STYXL2: variants seen among roughly 807,000 people sequenced by gnomAD.
STYXL2 encodes the protein serine/threonine/tyrosine-interacting-like protein 2.
Under a neutral mutation model 52.4 loss-of-function variants are expected in STYXL2, and 44 were observed. That is an observed-to-expected ratio of 0.84 (90% CI 0.66 to 1.08). STYXL2 has a LOEUF of 1.08. Ranked by LOEUF, STYXL2 falls within the 50% of genes least tolerant of loss-of-function variation. The pLI, the probability that STYXL2 is intolerant of heterozygous loss-of-function variation, is 0.00. For synonymous variants in STYXL2, 604 were observed against 586.9 expected, an observed-to-expected ratio of 1.03 and a Z score of -0.42; for missense variants, 1,604 against 1,471.7, an observed-to-expected ratio of 1.09 and a Z score of -1.47.
At chr1:167,103,774 T>C (rs1213506757) in intron 2 of STYXL2, among the ~76,000 whole-genome samples, 2 of 152,146 alleles carry the variant, frequency 1.3e-5, no homozygotes, top group East Asian at 3.9e-4. Context: ...GACTTCTCCC[T>C]TACCTATAGT....
chr1:167,120,040 A>G (rs1161443933), intron 5 of STYXL2, among the ~76,000 whole-genome samples: 1 of 152,246 alleles, frequency 6.6e-6, no homozygotes, highest in East Asian at 1.9e-4. Context: ...GAGGTTCCCC[A>G]TCAAACAGGA....
At chr1:167,105,449 G>A (rs1667490226) in intron 2 of STYXL2, among the ~76,000 whole-genome samples, 1 of 152,076 alleles carries the variant, frequency 6.6e-6, no homozygotes, top group East Asian at 1.9e-4. Flanking sequence ...TTCTTGAACA[G>A]CCAGCCCTCA....
chr1:167,120,138 C>G (rs1041007490), intron 5 of STYXL2, among the ~76,000 whole-genome samples: 5 of 152,158 alleles, frequency 3.3e-5, no homozygotes, highest in African/African-American at 7.2e-5. Context: ...GGAGAACAGA[C>G]CGAGTTGGGA....
At position 167,117,328 on chromosome 1, in the gene STYXL2, A is replaced by G. The variant is rs778748208; in HGVS notation, c.206A>G (p.Glu69Gly). 6.2e-7 allele frequency: 1 copy of G among 1,604,268 alleles called. No individual in the cohort carries two copies. Among genetic ancestry groups the G allele is most frequent in the Admixed American group, 1.7e-5 (1 of 58,788 alleles). Residue 69 changes from glutamate to glycine, a missense_variant and splice_region_variant, in exon 4 of 6, where the codon GAA becomes GGA. By Grantham distance (98) the Glu-to-Gly change is moderately conservative (BLOSUM62 -2). Transcript: ENST00000361200. ...TGAGAATGCTGCCTGTCTCCTCTAG[A>G]ACTCAAGCCACCGGGGGTCAGAGCA... is the stretch of plus-strand genomic sequence containing the variant. ...AIAAKQIINE[E>G]LKPPGVRADA...
intron 2 of STYXL2, among the ~76,000 whole-genome samples, chr1:167,097,580 C>T (rs184624788): frequency 4.6e-4 from 69 of 151,138 alleles, no homozygotes; most frequent in Non-Finnish European, 9.3e-4. Context: ...AGCTAACAAG[C>T]TCATGAAGGG....
Position 167,128,047 on chromosome 1 carries a change from G to C in STYXL2, c.2916G>C (p.Glu972Asp). Residue 972 changes from glutamate (E) to aspartate (D), a missense_variant, in exon 6 of 6, where the codon GAG (glutamate) becomes GAC (aspartate). Transcript: ENST00000361200. Reference protein sequence around the residue: ...YTRSSLLRETESKSSSYKFSK... With the variant: ...YTRSSLLRETDSKSSSYKFSK... Reference sequence around the variant, plus strand: ...GATCGTCCCTGCTCAGGGAGACAGAGTCTAAATCCTCCAGTTACAAGTTTT... The same window carrying C: ...GATCGTCCCTGCTCAGGGAGACAGACTCTAAATCCTCCAGTTACAAGTTTT... 3 of 1,614,222 alleles carry C rather than the reference G, an allele frequency of 1.9e-6. No individual in the cohort carries two copies. In the South Asian group the frequency reaches 3.3e-5, roughly 18 times the overall value.
At chr1:167,119,089 C>G (rs1667791471) in intron 4 of STYXL2, among the ~76,000 whole-genome samples, 160 bp from the exon 5 acceptor site, 1 of 152,202 alleles carries the variant, frequency 6.6e-6, no homozygotes, top group African/African-American at 2.4e-5. Flanking sequence ...TCAACTCTTT[C>G]TATAATGGTA....
intron 2 of STYXL2, among the ~76,000 whole-genome samples, chr1:167,110,504 C>T (rs1667595494): frequency 6.6e-6 from 1 of 152,066 alleles, no homozygotes; most frequent in African/African-American, 2.4e-5. Context: ...AAACAAACTC[C>T]AGAAAAATAG....
Position 167,128,188 on chromosome 1 carries a change from C to G in STYXL2, c.3057C>G (p.His1019Gln). 1 of 1,614,244 alleles carries G rather than the reference C, an allele frequency of 6.2e-7. No individual in the cohort carries two copies. Residue 1019 changes from histidine to glutamine, a missense_variant, in exon 6 of 6, where the codon CAC becomes CAG. Coordinates refer to ENST00000361200, the MANE Select transcript of STYXL2 (RefSeq NM_001080426.3). ...SSSTREGREM[H>Q]KFSRSTYNET... Reference sequence around the variant, plus strand: ...CCACCAGGGAGGGCAGAGAGATGCACAAGTTCTCCAGGTCCACGTACAACG... The same window carrying G: ...CCACCAGGGAGGGCAGAGAGATGCAGAAGTTCTCCAGGTCCACGTACAACG...
chr1:167,108,278 A>C lies in STYXL2; in HGVS notation c.111-5432A>C, dbSNP rs146716330. On this transcript the variant is annotated intron_variant, in intron 2 of 5. Coordinates refer to ENST00000361200, the MANE Select transcript of STYXL2 (RefSeq NM_001080426.3). ...CTCCATCTGCTAGAGACACAGGTAAATAAGACCACCTAATCCACCTAATCT... is the reference window on the plus strand; with the variant it reads ...CTCCATCTGCTAGAGACACAGGTAACTAAGACCACCTAATCCACCTAATCT... Among the ~76,000 whole-genome samples, 424 of 152,310 alleles carry C rather than the reference A, an allele frequency of 2.8e-3. 1 individual carries two copies. The highest frequency in any genetic ancestry group is 3.4e-3 in the Middle Eastern group (1 of 294).
intron 2 of STYXL2, among the ~76,000 whole-genome samples, chr1:167,109,813 A>G (rs1284271754): frequency 6.6e-6 from 1 of 152,224 alleles, no homozygotes; most frequent in Non-Finnish European, 1.5e-5. Flanking sequence ...GCTCTAAGAA[A>G]GGAGAAAACA....
chr1:167,101,822 A>G (rs1667409426), intron 2 of STYXL2, among the ~76,000 whole-genome samples: 1 of 149,638 alleles, frequency 6.7e-6, no homozygotes, highest in African/African-American at 2.5e-5. Context: ...AAAAAAGCCT[A>G]TGTCTATGCA....
chr1:167,103,912 G>C (rs111679734), intron 2 of STYXL2, among the ~76,000 whole-genome samples: 26,051 of 152,124 alleles, frequency 0.17, 2,475 homozygotes, highest in Middle Eastern at 0.23. Flanking sequence ...ACAAGGTCAG[G>C]AGATCGAGAC....
rs1427730059 is a variant in STYXL2, at chr1:167,126,186, A to G, written c.1055A>G (p.Glu352Gly). The G allele has an allele frequency of 6.6e-7, 1 of 1,523,272 alleles. No homozygotes were observed. Among genetic ancestry groups the G allele is most frequent in the Admixed American group, 2.2e-5 (1 of 44,626 alleles). 94.4% of individuals were successfully genotyped at this position (1,523,272 alleles called of 1,614,324 possible). Residue 352 changes from glutamate (E) to glycine (G), a missense_variant, in exon 6 of 6, where the codon GAG becomes GGG. By Grantham distance (98) the Glu-to-Gly change is moderately conservative. Transcript: ENST00000361200. ...GAGGAGGAGGAGGAGAAACTGTACG[A>G]GCAGTGGAAGAAGGGGCAGGGCCTC... ...IDEEEEEKLY[E>G]QWKKGQGLLS...
intron 2 of STYXL2, among the ~76,000 whole-genome samples, chr1:167,107,109 G>A (rs1422267895): frequency 1.3e-5 from 2 of 152,166 alleles, no homozygotes; most frequent in African/African-American, 2.4e-5. Flanking sequence ...CACATGGTTG[G>A]CTGTTGGCTG....
intron 5 of STYXL2, 109 bp from the exon 6 acceptor site, chr1:167,125,678 C>A (rs1214783423): frequency 7.0e-7 from 1 of 1,425,568 alleles, no homozygotes; most frequent in Non-Finnish European, 9.1e-7. Flanking sequence ...AAAGTAAACA[C>A]CTTAAGTGCA....
Position 167,126,804 on chromosome 1 carries a change from A to G in STYXL2, c.1673A>G (p.Lys558Arg), listed in dbSNP as rs774349190. The change falls in exon 6 of 6, where the codon AAG becomes AGG. Residue 558 changes from lysine (K) to arginine (R), a missense_variant. Transcript: ENST00000361200. Reference protein sequence around the residue: ...KIKRIQFGFHKKDLGAGDSSG... With the variant: ...KIKRIQFGFHRKDLGAGDSSG... ...AAGAGAATCCAATTTGGATTTCACA[A>G]GAAAGACTTGGGAGCGGGAGACAGC... The G allele has an allele frequency of 6.2e-7, 1 of 1,614,226 alleles. No homozygotes were observed. Among genetic ancestry groups the G allele is most frequent in the Non-Finnish European group, 8.5e-7 (1 of 1,180,034 alleles).
rs1667960695 is a variant in STYXL2 at position 167,126,212 on chromosome 1, C to T, written c.1081C>T (p.Leu361Phe). 7.2e-6 allele frequency: 11 copies of T among 1,537,340 alleles called. No individual in the cohort carries two copies. Among genetic ancestry groups the T allele is most frequent in the Non-Finnish European group, 7.8e-6 (9 of 1,147,306 alleles). ...YEQWKKGQGL[L>F]SDKVPQDGGG... Reference sequence around the variant, plus strand: ...GCAGTGGAAGAAGGGGCAGGGCCTCCTCTCAGACAAGGTCCCCCAGGATGG... The same window carrying T: ...GCAGTGGAAGAAGGGGCAGGGCCTCTTCTCAGACAAGGTCCCCCAGGATGG... The change falls in exon 6 of 6, where the codon CTC (leucine) becomes TTC (phenylalanine). Residue 361 changes from leucine to phenylalanine, a missense_variant. Leu to Phe is a conservative substitution (Grantham distance 22, BLOSUM62 0). Coordinates refer to ENST00000361200, the MANE Select transcript of STYXL2 (RefSeq NM_001080426.3).
Position 167,126,878 on chromosome 1 carries a change from G to A in STYXL2, c.1747G>A (p.Asp583Asn), listed in dbSNP as rs779159793. 8.1e-6 allele frequency: 13 copies of A among 1,613,024 alleles called. No homozygotes were observed. The highest frequency in any genetic ancestry group is 1.3e-5 in the African/African-American group (1 of 74,908). ...GGCAGTAGGGGAGAAGAACCCCTCCGACGTCAGCCTGACAGCCTACCAGGC... is the reference window on the plus strand; with the variant it reads ...GGCAGTAGGGGAGAAGAACCCCTCCAACGTCAGCCTGACAGCCTACCAGGC... ...EEAVGEKNPS[D>N]VSLTAYQAWK... Residue 583 changes from aspartate (D) to asparagine (N), a missense_variant, in exon 6 of 6, where the codon GAC (aspartate) becomes AAC (asparagine). Physicochemically the swap from Asp to Asn is conservative, Grantham distance 23. Coordinates refer to ENST00000361200, the MANE Select transcript of STYXL2 (RefSeq NM_001080426.3).
Sources: gnomAD v4.1 joint callset for allele counts (sites outside exome capture counted in the v4.1 genomes callset) on GRCh38, gnomAD v4.1.1 for gene constraint, MANE v1.5 for transcripts, NCBI Gene and HGNC (gene_info 2026-07-23, HGNC 2026-07-21) for gene names.